The following MSRA variants were observed in gnomAD, a reference collection of about 807,000 sequenced individuals.
MSRA encodes mitochondrial peptide methionine sulfoxide reductase.
MSRA carries 54 observed loss-of-function variants against 31.3 expected under a neutral mutation model. The observed-to-expected ratio is 1.73, with a 90% confidence interval of 1.39 to 2.17. The LOEUF (loss-of-function observed/expected upper bound fraction) is 2.17, where lower values mean the gene tolerates loss of function less well. MSRA is among the 30% of genes most tolerant of loss of function. The pLI, the probability that MSRA is intolerant of heterozygous loss-of-function variation, is 0.00. For missense variants in MSRA, 507 were observed against 300.9 expected, an observed-to-expected ratio of 1.69 and a Z score of -5.07; for synonymous variants, 169 against 116.5, an observed-to-expected ratio of 1.45 and a Z score of -2.90.
intron 3 of MSRA, among the ~76,000 whole-genome samples, chr8:10,259,890 C>T (rs533381063): frequency 2.5e-4 from 38 of 152,288 alleles, no homozygotes; most frequent in African/African-American, 6.0e-4. Flanking sequence ...GGGCTCTGCC[C>T]GCCTCACCCC....
rs140926214 is a variant in MSRA, at chr8:10,318,657, G to A, written c.437-1226G>A. Among the ~76,000 whole-genome samples the A allele has an allele frequency of 2.5e-3, 374 of 152,196 alleles. 2 individuals carry two copies. The highest frequency in any genetic ancestry group is 8.5e-3 in the African/African-American group (353 of 41,528). ...TCAATTTATGACAGTCAAATATTTC[G>A]TTTGTTTTGTGATTCAATGGGTAGA... On this transcript the variant is annotated intron_variant, in intron 4 of 5. Transcript: ENST00000317173.
intron 2 of MSRA, among the ~76,000 whole-genome samples, chr8:10,209,462 T>C (rs746694027): frequency 9.2e-5 from 14 of 152,326 alleles, no homozygotes; most frequent in Non-Finnish European, 1.5e-4. Context: ...GCTGATGACA[T>C]TGTTTGACTA....
intron 3 of MSRA, among the ~76,000 whole-genome samples, chr8:10,245,577 A>G: frequency 6.6e-6 from 1 of 152,168 alleles, no homozygotes; most frequent in Non-Finnish European, 1.5e-5. Context: ...GCTAAGGTCA[A>G]CCTGTGGGTT....
At chr8:10,283,139 C>CAA (rs1799714448) in intron 3 of MSRA, among the ~76,000 whole-genome samples, 1 of 141,024 alleles carries the variant, frequency 7.1e-6, no homozygotes, top group East Asian at 2.0e-4. Flanking sequence ...TACACACACA[C>CAA]ACACACACAC....
intron 1 of MSRA, among the ~76,000 whole-genome samples, chr8:10,092,813 A>C (rs974175295): frequency 1.3e-5 from 2 of 152,150 alleles, no homozygotes; most frequent in Non-Finnish European, 2.9e-5. Context: ...TCATTGTTGA[A>C]TTACCCATTT....
chr8:10,256,485 G>C (rs1798186896), intron 3 of MSRA, among the ~76,000 whole-genome samples: 2 of 152,206 alleles, frequency 1.3e-5, no homozygotes, highest in Non-Finnish European at 2.9e-5. Context: ...CTCTGGAGTG[G>C]GGGAGGCCTG....
In MSRA at chr8:10,227,224, T is replaced by C. The variant is rs116495800; in HGVS notation, c.212-17880T>C. 2.2e-3 allele frequency among the ~76,000 whole-genome samples: 329 copies of C among 152,266 alleles called. 2 individuals carry two copies. Among genetic ancestry groups the C allele is most frequent in the African/African-American group, 7.6e-3 (314 of 41,550 alleles). ...GGCCCGTGGAGTTACCAGAGTTGTC[T>C]TCAAGAGGTCAGAGTGTTGGCAGGT... On this transcript the variant is annotated intron_variant, in intron 2 of 5. Transcript: ENST00000317173.
At chr8:10,337,292 G>C (rs1055837163) in intron 5 of MSRA, 1 of 159,490 alleles carries the variant, frequency 6.3e-6, no homozygotes, top group Admixed American at 6.3e-5. Flanking sequence ...CCATTCTCCT[G>C]CCTCAGCCTC....
At chr8:10,116,447 A>G (rs929163278) in intron 1 of MSRA, among the ~76,000 whole-genome samples, 6 of 152,198 alleles carry the variant, frequency 3.9e-5, no homozygotes, top group Non-Finnish European at 8.8e-5. Flanking sequence ...GCAATTCTTG[A>G]GCACCTCCTG....
intron 3 of MSRA, among the ~76,000 whole-genome samples, chr8:10,296,714 G>A (rs1800562536): frequency 6.6e-6 from 1 of 152,076 alleles, no homozygotes; most frequent in Non-Finnish European, 1.5e-5. Flanking sequence ...GTAGATAAAG[G>A]CCCCCCCAGC....
At chr8:10,068,112 G>C (rs867807988) in intron 1 of MSRA, among the ~76,000 whole-genome samples, 1 of 152,030 alleles carries the variant, frequency 6.6e-6, no homozygotes. Context: ...TCGAACTTTT[G>C]ACCTCAAGCA....
chr8:10,219,857 AC>A (rs1810335223), intron 2 of MSRA, among the ~76,000 whole-genome samples: 1 of 150,180 alleles, frequency 6.7e-6, no homozygotes, highest in South Asian at 2.1e-4. Context: ...TACAATGTAC[AC>A]CTTTTTGGTT....
intron 5 of MSRA, among the ~76,000 whole-genome samples, chr8:10,421,853 C>T (rs974855920): frequency 3.3e-5 from 5 of 152,140 alleles, no homozygotes; most frequent in Non-Finnish European, 7.3e-5. Flanking sequence ...AGATCTGCTG[C>T]TCAGCCATAG....
rs1178491676 is a variant in MSRA, at chr8:10,258,931, A to G, written c.331+13708A>G. On this transcript the variant is annotated intron_variant, in intron 3 of 5. Coordinates refer to ENST00000317173, the MANE Select transcript of MSRA (RefSeq NM_012331.5). ...AGACCAGCCTGGCCAACATGTCGAA[A>G]CCCTGTATGTACTAAAAATACAAAA... Among the ~76,000 whole-genome samples the G allele has an allele frequency of 2.0e-5, 3 of 152,210 alleles. No individual in the cohort carries two copies. In the East Asian group the frequency reaches 5.8e-4, roughly 29 times the overall value.
intron 2 of MSRA, among the ~76,000 whole-genome samples, chr8:10,217,975 T>A (rs1213635321): frequency 6.6e-6 from 1 of 152,144 alleles, no homozygotes; most frequent in Non-Finnish European, 1.5e-5. Context: ...CAGCCTGTCC[T>A]ATTTCCTTTA....
chr8:10,266,694 G>T (rs1798765701), intron 3 of MSRA, among the ~76,000 whole-genome samples: 1 of 151,564 alleles, frequency 6.6e-6, no homozygotes, highest in Non-Finnish European at 1.5e-5. Flanking sequence ...TTCAGAAATT[G>T]TATAGTTTAA....
intron 5 of MSRA, among the ~76,000 whole-genome samples, chr8:10,408,329 G>A (rs999770459): frequency 3.3e-5 from 5 of 152,160 alleles, no homozygotes; most frequent in African/African-American, 1.2e-4. Flanking sequence ...TTCGGCCCAG[G>A]AGTTTAAGAC....
At chr8:10,327,314 G>C (rs1280653746) in intron 5 of MSRA, among the ~76,000 whole-genome samples, 1 of 151,926 alleles carries the variant, frequency 6.6e-6, no homozygotes, top group Non-Finnish European at 1.5e-5. Context: ...TTAAATATTT[G>C]CCATAATTTT....
rs376060299 is a variant in MSRA, at chr8:10,301,551, G to C, written c.349G>C (p.Glu117Gln). The C allele has an allele frequency of 1.1e-5, 18 of 1,613,570 alleles. No individual in the cohort carries two copies. Among genetic ancestry groups the C allele is most frequent in the African/African-American group, 2.7e-5 (2 of 74,884 alleles). ...TTTCCAAGAAAAAACTGGCCATGCA[G>C]AAGTCGTCCGAGTGGTGTACCAGCC... Reference protein sequence around the residue: ...EVCSEKTGHAEVVRVVYQPEH... With the variant: ...EVCSEKTGHAQVVRVVYQPEH... The change falls in exon 4 of 6, where the codon GAA (glutamate) becomes CAA (glutamine). Residue 117 changes from glutamate (E) to glutamine (Q), a missense_variant. Glu to Gln is a conservative substitution (Grantham distance 29). Coordinates refer to ENST00000317173, the MANE Select transcript of MSRA (RefSeq NM_012331.5).
Sources: allele counts gnomAD v4.1 joint callset (sites outside exome capture counted in the v4.1 genomes callset), GRCh38; gene constraint gnomAD v4.1.1; transcripts MANE v1.5; gene names NCBI Gene and HGNC (gene_info 2026-07-23, HGNC 2026-07-21).